Variants in CORO2B observed in about 807,000 individuals in gnomAD.
CORO2B encodes coronin-2B.
A neutral mutation model predicts 58.8 loss-of-function variants in CORO2B; 26 were observed. The ratio of observed to expected loss-of-function variants is 0.44; its 90% CI spans 0.32 to 0.61. The LOEUF (loss-of-function observed/expected upper bound fraction) is 0.61, where lower values mean the gene tolerates loss of function less well. Ranked by LOEUF, CORO2B falls within the 20% of genes least tolerant of loss-of-function variation. CORO2B has a pLI of 0.04. For synonymous variants in CORO2B, 242 were observed against 253.8 expected (o/e 0.95, Z 0.44); for missense variants, 460 against 645.1 (o/e 0.71, Z 3.11).
chr15:68,716,523 A>G (rs1893035760), intron 8 of CORO2B, among the ~76,000 whole-genome samples: 1 of 152,254 alleles, frequency 6.6e-6, no homozygotes, highest in African/African-American at 2.4e-5. Context: ...CATGGAGATC[A>G]CATTCCACTG....
At chr15:68,716,100 C>T (rs1206565585) in intron 8 of CORO2B, among the ~76,000 whole-genome samples, 1 of 152,192 alleles carries the variant, frequency 6.6e-6, no homozygotes, top group Admixed American at 6.5e-5. Context: ...GAGCCCACTC[C>T]AGTGACCAAC....
chr15:68,552,797 T>A, the CORO2B span, among the ~76,000 whole-genome samples: 1 of 152,148 alleles, frequency 6.6e-6, no homozygotes, highest in African/African-American at 2.4e-5. Context: ...ACCAGACCTT[T>A]CCTCAAGAAG....
chr15:68,686,020 G>GTTT (rs56168498), intron 2 of CORO2B, among the ~76,000 whole-genome samples: 8 of 103,324 alleles, frequency 7.7e-5, no homozygotes, highest in African/African-American at 1.4e-4. Context: ...TCCTACTTCT[G>GTTT]TTTTTTTTTT....
chr15:68,532,966 G>T, the CORO2B span, among the ~76,000 whole-genome samples: 2 of 152,224 alleles, frequency 1.3e-5, no homozygotes, highest in Non-Finnish European at 2.9e-5. Context: ...CTGAATTCAT[G>T]AAGTTTCAGC....
At chr15:68,659,672 T>G (rs1901948877) in intron 2 of CORO2B, among the ~76,000 whole-genome samples, 5 of 150,540 alleles carry the variant, frequency 3.3e-5, no homozygotes, top group South Asian at 2.1e-4. Context: ...GGTGGCTCAT[T>G]CCTGTAATCC....
chr15:68,579,346 G>T lies in CORO2B; in HGVS notation c.15+69G>T, dbSNP rs532580931. 213 of 1,229,802 alleles carry T rather than the reference G, an allele frequency of 1.7e-4. 1 individual carries two copies. The highest frequency in any genetic ancestry group is 1.3e-3 in the South Asian group (39 of 30,498). The allele number at this position is 1,229,802 out of a possible 1,614,324, so 76.2% of individuals were successfully genotyped here. On this transcript the variant is annotated intron_variant, in intron 1 of 11. Coordinates refer to ENST00000261861, the MANE Select transcript of CORO2B (RefSeq NM_006091.5). ...GCATCCCCCGGGCTAGGCTGCGGGG[G>T]GCGCGGGGGTGTGGGTGTGGGGAGG...
intron 1 of CORO2B, among the ~76,000 whole-genome samples, chr15:68,613,418 C>T (rs1900284398): frequency 6.6e-6 from 1 of 152,136 alleles, no homozygotes; most frequent in South Asian, 2.1e-4. Flanking sequence ...TAGATTGAAC[C>T]TGACTTCTTC....
At chr15:68,598,210 G>A (rs1052649761) in intron 1 of CORO2B, among the ~76,000 whole-genome samples, 1 of 152,244 alleles carries the variant, frequency 6.6e-6, no homozygotes, top group African/African-American at 2.4e-5. Flanking sequence ...CTGGAGAAGA[G>A]GGCGGGCAGT....
intron 2 of CORO2B, among the ~76,000 whole-genome samples, chr15:68,659,680 TCC>T (rs1901949477): frequency 6.6e-6 from 1 of 152,216 alleles, no homozygotes. Flanking sequence ...ATTCCTGTAA[TCC>T]CAGCACTTTG....
intron 1 of CORO2B, 51 bp downstream of exon 1, chr15:68,579,328 C>G (rs1349880132): frequency 1.6e-5 from 20 of 1,251,188 alleles, no homozygotes; most frequent in Middle Eastern, 6.2e-4. Flanking sequence ...CCTGCATCCC[C>G]CGGGCTAGGC....
chr15:68,660,684 T>C (rs1297867040), intron 2 of CORO2B, among the ~76,000 whole-genome samples: 1 of 152,226 alleles, frequency 6.6e-6, no homozygotes, highest in African/African-American at 2.4e-5. Flanking sequence ...ATTCATATTT[T>C]GAACCCTTCA....
Position 68,726,028 on chromosome 15 carries a change from C to T in CORO2B, c.*54C>T. 6.2e-7 allele frequency: 1 copy of T among 1,601,888 alleles called. No individual in the cohort carries two copies. Among genetic ancestry groups the T allele is most frequent in the Non-Finnish European group, 8.5e-7 (1 of 1,178,148 alleles). On this transcript the variant is annotated 3_prime_UTR_variant, in exon 12 of 12. Coordinates refer to ENST00000261861, the MANE Select transcript of CORO2B (RefSeq NM_006091.5). Reference sequence around the variant, plus strand: ...ATCTCTCCGTCGTTTCTACTCATCCCTTAACTTCTCCCTTACCAGTGACCC... The same window carrying T: ...ATCTCTCCGTCGTTTCTACTCATCCTTTAACTTCTCCCTTACCAGTGACCC...
chr15:68,526,500 A>G, the CORO2B span, among the ~76,000 whole-genome samples: 14 of 152,294 alleles, frequency 9.2e-5, no homozygotes, highest in African/African-American at 3.4e-4. Context: ...ATGACTAATG[A>G]TGCTGAGCAT....
intron 3 of CORO2B, among the ~76,000 whole-genome samples, chr15:68,702,911 C>T (rs1241550117): frequency 6.9e-6 from 1 of 144,910 alleles, no homozygotes; most frequent in African/African-American, 2.6e-5. Context: ...ACTGCAACCT[C>T]TGCTTCCTGA....
chr15:68,637,067 G>A, intron 1 of CORO2B, among the ~76,000 whole-genome samples: 1 of 152,236 alleles, frequency 6.6e-6, no homozygotes, highest in East Asian at 1.9e-4. Flanking sequence ...ACAGGCAAGA[G>A]CAGATACTCC....
the CORO2B span, among the ~76,000 whole-genome samples, chr15:68,549,708 G>T: frequency 6.6e-6 from 1 of 152,190 alleles, no homozygotes; most frequent in Non-Finnish European, 1.5e-5. Flanking sequence ...GGAGGCCGAG[G>T]TGGGCAGATC....
At chr15:68,549,311 A>G in the CORO2B span, among the ~76,000 whole-genome samples, 2 of 152,162 alleles carry the variant, frequency 1.3e-5, no homozygotes, top group Non-Finnish European at 2.9e-5. Context: ...GCACTTTTCA[A>G]TTTTGTCAGT....
chr15:68,620,544 G>A (rs1218538958), intron 1 of CORO2B, among the ~76,000 whole-genome samples: 1 of 152,094 alleles, frequency 6.6e-6, no homozygotes, highest in Non-Finnish European at 1.5e-5. Context: ...GAGTAAAGAG[G>A]GTCTTCCCCT....
At chr15:68,539,590 G>A in the CORO2B span, among the ~76,000 whole-genome samples, 1 of 146,264 alleles carries the variant, frequency 6.8e-6, no homozygotes, top group East Asian at 1.9e-4. Flanking sequence ...TGGGAAGATC[G>A]CTTGAGCCTG....
Sources: allele counts gnomAD v4.1 joint callset (sites outside exome capture counted in the v4.1 genomes callset), GRCh38; gene constraint gnomAD v4.1.1; transcripts MANE v1.5; gene names NCBI Gene and HGNC (gene_info 2026-07-23, HGNC 2026-07-21).